MYO1D: variants seen among roughly 807,000 people sequenced by gnomAD.
The protein encoded by MYO1D is unconventional myosin-Id.
Under a neutral mutation model 122.0 loss-of-function variants are expected in MYO1D, and 83 were observed. The observed-to-expected ratio is 0.68, with a 90% CI of 0.57 to 0.82. MYO1D has a LOEUF of 0.82. Among genes scored for constraint, MYO1D ranks in the 40% least tolerant of loss-of-function variants. MYO1D has a pLI of 0.00. For missense variants in MYO1D, 1,157 were observed against 1,269.5 expected (o/e 0.91, Z 1.35); for synonymous variants, 464 against 446.9 (o/e 1.04, Z -0.48).
At chr17:32,620,116 T>C (rs2087835785) in intron 20 of MYO1D, among the ~76,000 whole-genome samples, 1 of 152,122 alleles carries the variant, frequency 6.6e-6, no homozygotes, top group Admixed American at 6.5e-5. Context: ...GTGGGGAGTA[T>C]GACAGGCGCC....
intron 1 of MYO1D, among the ~76,000 whole-genome samples, chr17:32,809,128 T>A (rs1411886353): frequency 7.6e-6 from 1 of 131,168 alleles, no homozygotes. Flanking sequence ...TCATTTTTGT[T>A]TTTGATAAAA....
intron 1 of MYO1D, among the ~76,000 whole-genome samples, chr17:32,821,541 TAC>T (rs34745639): frequency 2.5e-4 from 33 of 131,062 alleles, no homozygotes; most frequent in Admixed American, 5.5e-4. Flanking sequence ...AAATCACACA[TAC>T]ACACACACAC....
At chr17:32,618,314 T>A (rs1352661335) in intron 20 of MYO1D, among the ~76,000 whole-genome samples, 1 of 152,200 alleles carries the variant, frequency 6.6e-6, no homozygotes, top group Non-Finnish European at 1.5e-5. Context: ...TAAGTTTATA[T>A]CATTGATTGA....
At chr17:32,506,261 C>T (rs73981816) in intron 21 of MYO1D, among the ~76,000 whole-genome samples, 220 of 152,168 alleles carry the variant, frequency 1.4e-3, no homozygotes, top group African/African-American at 4.9e-3. Flanking sequence ...ATTCACTATA[C>T]GAAACAATAA....
chr17:32,661,526 G>A (rs2088564940), intron 16 of MYO1D, among the ~76,000 whole-genome samples: 1 of 152,022 alleles, frequency 6.6e-6, no homozygotes, highest in South Asian at 2.1e-4. Flanking sequence ...GTGGTGGTGT[G>A]CACCTGTAGT....
At chr17:32,672,631 A>G (rs1164179985) in intron 16 of MYO1D, among the ~76,000 whole-genome samples, 2 of 152,054 alleles carry the variant, frequency 1.3e-5, no homozygotes, top group Non-Finnish European at 2.9e-5. Flanking sequence ...GATTATAGGC[A>G]TGCACCACCA....
chr17:32,544,455 C>T (rs1433361158), intron 21 of MYO1D, among the ~76,000 whole-genome samples: 1 of 152,036 alleles, frequency 6.6e-6, no homozygotes, highest in Non-Finnish European at 1.5e-5. Context: ...ATTCTACTGT[C>T]CAAATTGTAC....
chr17:32,646,568 C>CCT (rs1462666160), intron 19 of MYO1D, among the ~76,000 whole-genome samples: 11 of 151,920 alleles, frequency 7.2e-5, no homozygotes, highest in Non-Finnish European at 1.6e-4. Flanking sequence ...ATTTAAAAAA[C>CCT]CTGTTACATA....
At chr17:32,631,806 G>A (rs536731563) in intron 20 of MYO1D, among the ~76,000 whole-genome samples, 30 of 152,300 alleles carry the variant, frequency 2.0e-4, no homozygotes, top group African/African-American at 6.5e-4. Context: ...TGTATTTCAA[G>A]GGTGAAGTGT....
In MYO1D at chr17:32,535,075, A is replaced by C. The variant is rs572270230; in HGVS notation, c.2865-40160T>G. On this transcript the variant is annotated intron_variant, in intron 21 of 21. Coordinates refer to ENST00000318217, the MANE Select transcript of MYO1D (RefSeq NM_015194.3). ...CAATCCTTGCAAAGTAATACAAGAC[A>C]TTTGGTGTGGACCTGAGAATATTAA... 3.9e-5 allele frequency among the ~76,000 whole-genome samples: 6 copies of C among 152,326 alleles called. No homozygotes were observed. In the East Asian group the frequency reaches 1.2e-3, roughly 29 times the overall value.
At chr17:32,582,157 C>T (rs964700093) in intron 21 of MYO1D, among the ~76,000 whole-genome samples, 18 of 152,162 alleles carry the variant, frequency 1.2e-4, no homozygotes, top group Admixed American at 4.6e-4. Flanking sequence ...TCAAGCAATC[C>T]ACCTGCCTCG....
At chr17:32,871,032 G>T (rs557491555) in intron 1 of MYO1D, among the ~76,000 whole-genome samples, 2 of 152,312 alleles carry the variant, frequency 1.3e-5, no homozygotes, top group African/African-American at 4.8e-5. Context: ...TGTTTTGGGG[G>T]ATTGGGAAAG....
intron 21 of MYO1D, among the ~76,000 whole-genome samples, chr17:32,553,513 C>T (rs1483744709): frequency 1.8e-4 from 28 of 152,138 alleles, no homozygotes; most frequent in Admixed American, 1.8e-3. Flanking sequence ...AGAATCAGCT[C>T]CTCTTCTAGC....
chr17:32,564,260 A>C (rs2087152177), intron 21 of MYO1D, among the ~76,000 whole-genome samples: 1 of 152,176 alleles, frequency 6.6e-6, no homozygotes, highest in Non-Finnish European at 1.5e-5. Context: ...TGGGCTGAGA[A>C]GGGGGCTGTC....
At chr17:32,679,919 A>G (rs1015627377) in intron 16 of MYO1D, among the ~76,000 whole-genome samples, 1 of 149,524 alleles carries the variant, frequency 6.7e-6, no homozygotes, top group African/African-American at 2.5e-5. Flanking sequence ...ATTTGTTTGT[A>G]TCCTCTTTTA....
At chr17:32,651,626 G>T (rs1198613087) in intron 19 of MYO1D, among the ~76,000 whole-genome samples, 1 of 144,688 alleles carries the variant, frequency 6.9e-6, no homozygotes, top group Non-Finnish European at 1.5e-5. Context: ...GAAAACCACT[G>T]TTTCACACAT....
At chr17:32,728,013 G>A (rs570401850) in intron 14 of MYO1D, among the ~76,000 whole-genome samples, 3 of 152,264 alleles carry the variant, frequency 2.0e-5, no homozygotes, top group Non-Finnish European at 2.9e-5. Flanking sequence ...TAACTTGAAT[G>A]AGCCTAACAA....
chr17:32,740,232 C>T (rs9908065), intron 13 of MYO1D, among the ~76,000 whole-genome samples: 10,163 of 152,106 alleles, frequency 0.067, 611 homozygotes, highest in East Asian at 0.19. Context: ...TTGAAAATTT[C>T]GACACATGTT....
chr17:32,858,857 G>A (rs538814724), intron 1 of MYO1D, among the ~76,000 whole-genome samples: 3 of 152,284 alleles, frequency 2.0e-5, no homozygotes, highest in African/African-American at 7.2e-5. Context: ...TGATTAAACT[G>A]ACCCAGATTT....
Sources: allele counts gnomAD v4.1 joint callset (sites outside exome capture counted in the v4.1 genomes callset), GRCh38; gene constraint gnomAD v4.1.1; transcripts MANE v1.5; gene names NCBI Gene and HGNC (gene_info 2026-07-23, HGNC 2026-07-21).